RALYL: variants seen among roughly 807,000 people sequenced by gnomAD.
RALYL encodes RNA-binding Raly-like protein.
A neutral mutation model predicts 35.1 loss-of-function variants in RALYL; 29 were observed. The observed-to-expected ratio is 0.83, with a 90% confidence interval of 0.61 to 1.13. RALYL has a LOEUF of 1.13. Among genes scored for constraint, RALYL ranks in the 50% most tolerant of loss-of-function variants. RALYL has a pLI of 0.00. For missense variants in RALYL, 359 were observed against 360.4 expected, an observed-to-expected ratio of 1.00 and a Z score of 0.03; for synonymous variants, 120 against 127.6, an observed-to-expected ratio of 0.94 and a Z score of 0.40.
intron 1 of RALYL, among the ~76,000 whole-genome samples, chr8:84,424,030 G>T (rs1222227621): frequency 6.6e-6 from 1 of 151,738 alleles, no homozygotes; most frequent in African/African-American, 2.4e-5. Context: ...TATGTGTCTT[G>T]GAGTTGCTCT....
At chr8:84,471,589 G>T (rs1461045330) in intron 1 of RALYL, among the ~76,000 whole-genome samples, 1 of 152,064 alleles carries the variant, frequency 6.6e-6, no homozygotes, top group Non-Finnish European at 1.5e-5. Context: ...ACAACAAGAA[G>T]ACTGGTTTCT....
At chr8:84,319,950 T>C (rs1042023961) in intron 1 of RALYL, among the ~76,000 whole-genome samples, 30 of 152,106 alleles carry the variant, frequency 2.0e-4, no homozygotes, top group Non-Finnish European at 7.4e-5. Flanking sequence ...CTTATATTTA[T>C]GTATAAAACT....
intron 1 of RALYL, among the ~76,000 whole-genome samples, chr8:84,258,238 A>T (rs1355340673): frequency 6.6e-6 from 1 of 152,160 alleles, no homozygotes; most frequent in Non-Finnish European, 1.5e-5. Flanking sequence ...AGCACAGATA[A>T]CATGGGTGAG....
In RALYL at chr8:84,266,127, C is replaced by T. The variant is rs1424584149; in HGVS notation, c.-24+81703C>T. 4.6e-5 allele frequency among the ~76,000 whole-genome samples: 7 copies of T among 152,300 alleles called. No homozygotes were observed. In the East Asian group the frequency reaches 1.4e-3, roughly 29 times the overall value. On this transcript the variant is annotated intron_variant, in intron 1 of 8. Transcript: ENST00000521268. ...AACTTACATTTATTATGTCTCATAT[C>T]TCAGTATATTTCTACAGAAATCATC...
chr8:84,193,435 CA>C, intron 1 of RALYL, among the ~76,000 whole-genome samples: 1 of 152,274 alleles, frequency 6.6e-6, no homozygotes, highest in Middle Eastern at 3.4e-3. Flanking sequence ...AGAATTGAAT[CA>C]GTTCATTAGT....
At chr8:84,870,052 G>A (rs374723202) in intron 6 of RALYL, among the ~76,000 whole-genome samples, 1 of 152,124 alleles carries the variant, frequency 6.6e-6, no homozygotes, top group East Asian at 1.9e-4. Context: ...GATGCAACCT[G>A]ACTTCTATTT....
intron 1 of RALYL, among the ~76,000 whole-genome samples, chr8:84,191,083 T>C (rs1428678778): frequency 1.3e-5 from 2 of 151,650 alleles, no homozygotes; most frequent in African/African-American, 4.9e-5. Flanking sequence ...ATTTTTGAAA[T>C]AAACTAAATG....
At chr8:84,332,024 T>C (rs1216532304) in intron 1 of RALYL, among the ~76,000 whole-genome samples, 2 of 152,156 alleles carry the variant, frequency 1.3e-5, no homozygotes, top group Admixed American at 6.6e-5. Flanking sequence ...AACAACCCCA[T>C]CCTGCCAACA....
chr8:84,242,724 T>C (rs919568884), intron 1 of RALYL, among the ~76,000 whole-genome samples: 13 of 152,198 alleles, frequency 8.5e-5, no homozygotes, highest in African/African-American at 3.1e-4. Context: ...CCTTGTTGAC[T>C]CTGGACATTA....
In RALYL at chr8:84,823,722, CTT is replaced by C. The variant is rs572353809; in HGVS notation, c.365+18921_365+18922del. Among the ~76,000 whole-genome samples, 6 of 152,118 alleles carry C rather than the reference CTT, an allele frequency of 3.9e-5. No individual in the cohort carries two copies. The South Asian group carries it at 1.2e-3, about 32-fold the overall frequency. ...CTCCTTCTTTTCTTCTCTCTTTCCT[CTT>C]CTCTTCCTTTCTCCTCATTCTCTCC... On this transcript the variant is annotated intron_variant, in intron 4 of 8. Transcript: ENST00000521268.
chr8:84,733,653 T>TC (rs1846664180), intron 2 of RALYL, among the ~76,000 whole-genome samples: 1 of 152,136 alleles, frequency 6.6e-6, no homozygotes, highest in South Asian at 2.1e-4. Context: ...AAAATTTGAA[T>TC]CCCTCCCTGT....
At position 84,727,467 on chromosome 8, in the gene RALYL, A is replaced by T. The variant is rs556285034; in HGVS notation, c.257-47112A>T. The stretch of plus-strand genomic sequence containing the variant: ...ACTATATTTTCTTTTCATTTTTTTT[A>T]TTTTATTTTTTATTATTATTATATT... On this transcript the variant is annotated intron_variant, in intron 2 of 8. Transcript: ENST00000521268. Among the ~76,000 whole-genome samples the T allele has an allele frequency of 2.0e-5, 3 of 151,824 alleles. No individual in the cohort carries two copies. In the South Asian group the frequency reaches 6.2e-4, roughly 32 times the overall value.
intron 1 of RALYL, among the ~76,000 whole-genome samples, chr8:84,192,291 G>A (rs1814086978): frequency 6.6e-6 from 1 of 152,224 alleles, no homozygotes; most frequent in Non-Finnish European, 1.5e-5. Flanking sequence ...CCACATTGAA[G>A]ATACATACCA....
chr8:84,721,808 C>G (rs1843970513), intron 2 of RALYL, among the ~76,000 whole-genome samples: 1 of 152,050 alleles, frequency 6.6e-6, no homozygotes, highest in South Asian at 2.1e-4. Context: ...CTAATTTATG[C>G]TACTTTAAAA....
chr8:84,588,171 G>C (rs11984578), intron 2 of RALYL, among the ~76,000 whole-genome samples: 14,889 of 152,130 alleles, frequency 0.098, 1,907 homozygotes, highest in African/African-American at 0.3. Flanking sequence ...CATTTCAGGG[G>C]AGTTAAGCAA....
At chr8:84,425,524 C>G (rs1481998144) in intron 1 of RALYL, among the ~76,000 whole-genome samples, 1 of 152,202 alleles carries the variant, frequency 6.6e-6, no homozygotes, top group African/African-American at 2.4e-5. Context: ...GTCGCTCACG[C>G]TGGGAGCTGT....
At chr8:84,683,154 G>A (rs1029677941) in intron 2 of RALYL, among the ~76,000 whole-genome samples, 7 of 152,160 alleles carry the variant, frequency 4.6e-5, no homozygotes, top group Admixed American at 2.6e-4. Context: ...GAGTGGTTTT[G>A]AGTGAGTTTC....
At chr8:84,424,942 C>G (rs317936) in intron 1 of RALYL, among the ~76,000 whole-genome samples, 93,928 of 150,444 alleles carry the variant, frequency 0.62, 30,137 homozygotes, top group African/African-American at 0.77. Context: ...GAGAACCACT[C>G]CTCTCTTCAA....
At chr8:84,355,322 A>G (rs1265983041) in intron 1 of RALYL, among the ~76,000 whole-genome samples, 1 of 150,470 alleles carries the variant, frequency 6.6e-6, no homozygotes, top group Non-Finnish European at 1.5e-5. Flanking sequence ...ACAGTATTAA[A>G]TTAAGAACTC....
Sources: allele counts gnomAD v4.1 joint callset (sites outside exome capture counted in the v4.1 genomes callset), GRCh38; gene constraint gnomAD v4.1.1; transcripts MANE v1.5; gene names NCBI Gene and HGNC (gene_info 2026-07-23, HGNC 2026-07-21).